ZNF618: variants seen among roughly 807,000 people sequenced by gnomAD.
ZNF618 encodes neural precursor cell expressed, developmentally down-regulated 10.
Under a neutral mutation model 103.0 loss-of-function variants are expected in ZNF618, and 34 were observed. That is an observed-to-expected ratio of 0.33 (90% CI 0.25 to 0.44). The LOEUF (loss-of-function observed/expected upper bound fraction) is 0.44, where lower values mean the gene tolerates loss of function less well. Ranked by LOEUF, ZNF618 falls within the 20% of genes least tolerant of loss-of-function variation. The pLI is 1.00. For missense variants in ZNF618, 1,059 were observed against 1,295.4 expected, an observed-to-expected ratio of 0.82 and a Z score of 2.80; for synonymous variants, 551 against 542.2, an observed-to-expected ratio of 1.02 and a Z score of -0.23.
At chr9:113,960,166 G>A (rs933558734) in intron 1 of ZNF618, among the ~76,000 whole-genome samples, 3 of 152,222 alleles carry the variant, frequency 2.0e-5, no homozygotes, top group African/African-American at 7.2e-5. Flanking sequence ...CAGTTGATCT[G>A]TGCTGCTCCC....
chr9:113,963,852 G>A (rs1837097621), intron 1 of ZNF618, among the ~76,000 whole-genome samples: 1 of 152,186 alleles, frequency 6.6e-6, no homozygotes, highest in African/African-American at 2.4e-5. Flanking sequence ...TGGAGGAGGG[G>A]CAGCACACAC....
At chr9:113,938,673 ATTC>A (rs888135987) in intron 1 of ZNF618, among the ~76,000 whole-genome samples, 11 of 147,702 alleles carry the variant, frequency 7.4e-5, no homozygotes, top group African/African-American at 2.3e-4. Flanking sequence ...GGTTCAAGCT[ATTC>A]TTCTGCCTCA....
intron 13 of ZNF618, among the ~76,000 whole-genome samples, chr9:114,045,681 G>A (rs1031144382): frequency 1.6e-4 from 25 of 151,840 alleles, no homozygotes; most frequent in African/African-American, 6.0e-4. Context: ...TTTCTAAATT[G>A]TTTTGGCTAT....
At chr9:113,951,538 C>CACATATATGTGTGT (rs1564207925) in intron 1 of ZNF618, among the ~76,000 whole-genome samples, 1 of 54,324 alleles carries the variant, frequency 1.8e-5, no homozygotes, top group Non-Finnish European at 3.6e-5. Flanking sequence ...TATGTGTGTA[C>CACATATATGTGTGT]ATATGTACAC....
chr9:113,984,024 A>G (rs747738943), intron 2 of ZNF618, among the ~76,000 whole-genome samples: 1 of 152,158 alleles, frequency 6.6e-6, no homozygotes, highest in South Asian at 2.1e-4. Flanking sequence ...GGCCTACTGG[A>G]TGCTGGGTAT....
intron 1 of ZNF618, among the ~76,000 whole-genome samples, chr9:113,951,344 A>C (rs1835548282): frequency 7.9e-6 from 1 of 126,204 alleles, no homozygotes; most frequent in Non-Finnish European, 1.8e-5. Context: ...TCCAAACAAT[A>C]TTTGTGAATA....
At chr9:113,975,636 G>C (rs899109331) in intron 2 of ZNF618, among the ~76,000 whole-genome samples, 1 of 152,084 alleles carries the variant, frequency 6.6e-6, no homozygotes, top group Non-Finnish European at 1.5e-5. Context: ...TTTGGATTAG[G>C]GATGTTGAAC....
chr9:114,013,325 G>A (rs1179408967), intron 9 of ZNF618, among the ~76,000 whole-genome samples: 2 of 152,234 alleles, frequency 1.3e-5, no homozygotes, highest in Non-Finnish European at 2.9e-5. Context: ...ACTGTGAGTA[G>A]TAAAACAAGA....
intron 3 of ZNF618, among the ~76,000 whole-genome samples, chr9:113,994,485 G>A (rs1840371705): frequency 6.6e-6 from 1 of 152,192 alleles, no homozygotes. Flanking sequence ...AGGGTTAGAG[G>A]GTCCCTGTTA....
In ZNF618 at chr9:114,048,825, C is replaced by T. The variant is rs774375590; in HGVS notation, c.1523C>T (p.Ala508Val). The change falls in exon 15 of 15, where the codon GCC becomes GTC. Residue 508 changes from alanine (A) to valine (V), a missense_variant. Ala to Val is a moderately conservative substitution (Grantham distance 64). Coordinates refer to ENST00000374126, the MANE Select transcript of ZNF618 (RefSeq NM_001318042.2). ...GTAGACAGTGGTGCCCGCTATGGGG[C>T]CTTCTCGGTCACTGAAATCCTGGGC... ...TLVDSGARYG[A>V]FSVTEILGNF... 3.1e-6 allele frequency: 5 copies of T among 1,612,506 alleles called. No homozygotes were observed. Among genetic ancestry groups the T allele is most frequent in the South Asian group, 1.1e-5 (1 of 90,842 alleles).
chr9:114,037,182 A>G (rs1338919346), intron 13 of ZNF618, among the ~76,000 whole-genome samples: 1 of 152,136 alleles, frequency 6.6e-6, no homozygotes, highest in Non-Finnish European at 1.5e-5. Flanking sequence ...CAGACCATTT[A>G]CTTCTCACCC....
chr9:114,024,022 C>T (rs1843285758), intron 10 of ZNF618, among the ~76,000 whole-genome samples: 1 of 152,088 alleles, frequency 6.6e-6, no homozygotes, highest in Non-Finnish European at 1.5e-5. Context: ...ATTTTTCTTT[C>T]CTAATCTCTC....
chr9:113,878,513 A>G (rs1239206410), intron 1 of ZNF618, among the ~76,000 whole-genome samples: 1 of 152,244 alleles, frequency 6.6e-6, no homozygotes, highest in Non-Finnish European at 1.5e-5. Context: ...TTAAGAAGGC[A>G]AATAAATATT....
chr9:114,015,288 C>T (rs1250869232), intron 9 of ZNF618, among the ~76,000 whole-genome samples: 2 of 152,092 alleles, frequency 1.3e-5, no homozygotes, highest in Non-Finnish European at 2.9e-5. Context: ...AGAGTTTAGC[C>T]ATTTCATAAA....
At chr9:113,901,850 G>T (rs762744217) in intron 1 of ZNF618, among the ~76,000 whole-genome samples, 1 of 152,020 alleles carries the variant, frequency 6.6e-6, no homozygotes, top group Non-Finnish European at 1.5e-5. Flanking sequence ...TTTCTGTTTT[G>T]TTTTGTTTTT....
chr9:114,049,329 G>T lies in ZNF618; in HGVS notation c.2027G>T (p.Gly676Val), dbSNP rs779050875. The T allele has an allele frequency of 1.9e-6, 3 of 1,611,474 alleles. No homozygotes were observed. The highest frequency in any genetic ancestry group is 1.1e-5 in the South Asian group (1 of 90,984). ...TGCGAGGACCTGGCGGGCTCCACGG[G>T]CCTGGCCAAGGAGACCTTCGGGTCG... is the stretch of plus-strand genomic sequence containing the variant. Reference protein sequence around the residue: ...NVCEDLAGSTGLAKETFGSLE... With the variant: ...NVCEDLAGSTVLAKETFGSLE... Residue 676 changes from glycine (G) to valine (V), a missense_variant, in exon 15 of 15, where the codon GGC (glycine) becomes GTC (valine). Transcript: ENST00000374126.
chr9:113,881,518 TAC>T (rs1484986802), intron 1 of ZNF618, among the ~76,000 whole-genome samples: 1 of 152,228 alleles, frequency 6.6e-6, no homozygotes, highest in African/African-American at 2.4e-5. Context: ...TGTGACAAGT[TAC>T]AGTCTTTTGC....
chr9:113,976,832 AGAAC>A (rs1303772060), intron 2 of ZNF618, among the ~76,000 whole-genome samples: 1 of 152,176 alleles, frequency 6.6e-6, no homozygotes, highest in Non-Finnish European at 1.5e-5. Context: ...GTAGGAGAAA[AGAAC>A]TAACTAATAT....
chr9:113,889,040 C>A (rs991670311), intron 1 of ZNF618, among the ~76,000 whole-genome samples: 2 of 152,180 alleles, frequency 1.3e-5, no homozygotes, highest in African/African-American at 4.8e-5. Context: ...CATACACTCA[C>A]CTCACTGTCT....
Sources: gnomAD v4.1 joint callset for allele counts (sites outside exome capture counted in the v4.1 genomes callset) on GRCh38, gnomAD v4.1.1 for gene constraint, MANE v1.5 for transcripts, NCBI Gene and HGNC (gene_info 2026-07-23, HGNC 2026-07-21) for gene names.